BRAF: variants seen among roughly 807,000 people sequenced by gnomAD.
The protein encoded by BRAF is serine/threonine-protein kinase B-raf.
In BRAF, 16 loss-of-function variants were observed where a neutral mutation model predicts 104.6. The observed-to-expected ratio is 0.15, with a 90% CI of 0.10 to 0.23. The LOEUF (loss-of-function observed/expected upper bound fraction) is 0.23. Ranked by LOEUF, BRAF falls within the 10% of genes least tolerant of loss-of-function variation. BRAF has a pLI of 1.00. For missense variants in BRAF, 541 were observed against 937.3 expected, an observed-to-expected ratio of 0.58 and a Z score of 5.52; for synonymous variants, 310 against 341.6, an observed-to-expected ratio of 0.91 and a Z score of 1.02.
Position 140,924,774 on chromosome 7 carries a change from G to GGGAGGCGGAGGC in BRAF, c.-83_-72dup, listed in dbSNP as rs727502907. On this transcript the variant is annotated 5_prime_UTR_variant, in exon 1 of 20. Transcript: ENST00000644969. The surrounding 1 kb of genome is among the most constrained non-coding windows in gnomAD (Gnocchi z 4.2). ...AGGGGGAAGGGAGGCGGAGAGCTGG[G>GGGAGGCGGAGGC]GGAGGCGGAGGCGGAGGCGGAGGCG... The GGGAGGCGGAGGC allele has an allele frequency of 3.2e-5, 19 of 586,748 alleles. No individual in the cohort carries two copies. Among genetic ancestry groups the GGGAGGCGGAGGC allele is most frequent in the African/African-American group, 4.0e-5 (2 of 50,538 alleles). 36.3% of individuals were successfully genotyped at this position (586,748 alleles called of 1,614,324 possible).
rs1478544824 is a variant in BRAF at position 140,765,401 on chromosome 7, T to C, written c.1815-11168A>G. Among the ~76,000 whole-genome samples the C allele has an allele frequency of 2.0e-5, 3 of 152,222 alleles. 1 individual carries two copies. The highest frequency in any genetic ancestry group is 7.2e-5 in the African/African-American group (3 of 41,540). On this transcript the variant is annotated intron_variant, in intron 14 of 19. Coordinates refer to ENST00000644969, the MANE Select transcript of BRAF (RefSeq NM_001374258.1). ...GACATAGGCATGGGCAAGGACTTCA[T>C]GTCTAAAACACCAAAAGCAATGGCA...
chr7:140,892,911 T>C (rs1586568899), intron 1 of BRAF, among the ~76,000 whole-genome samples: 1 of 152,218 alleles, frequency 6.6e-6, no homozygotes, highest in East Asian at 1.9e-4. Context: ...CCAGTTCCTT[T>C]GTGAGAATAA....
chr7:140,843,313 A>G (rs987498875), intron 2 of BRAF, among the ~76,000 whole-genome samples: 1 of 152,316 alleles, frequency 6.6e-6, no homozygotes, highest in African/African-American at 2.4e-5. Context: ...TATGAGGGAA[A>G]GATCTTAAAA....
In BRAF at chr7:140,815,190, T is replaced by C. The variant is rs955823183; in HGVS notation, c.505-6195A>G. Reference sequence around the variant, plus strand: ...TCTCGCTCTGTCGCCCAGGCTGCAGTGCAGTGGCGTGATCTCAGCTCACTG... The same window carrying C: ...TCTCGCTCTGTCGCCCAGGCTGCAGCGCAGTGGCGTGATCTCAGCTCACTG... On this transcript the variant is annotated intron_variant, in intron 3 of 19. Transcript: ENST00000644969. 8.6e-5 allele frequency among the ~76,000 whole-genome samples: 13 copies of C among 151,614 alleles called. No homozygotes were observed. The East Asian group carries it at 2.3e-3, about 27-fold the overall frequency.
Position 140,897,791 on chromosome 7 carries a change from C to T in BRAF, c.138+26775G>A, listed in dbSNP as rs148892626. ...CTGGGATGACAGGTGTGAGCCACCG[C>T]GCCCAGCCAGGAAAGATTTCTTAAA... On this transcript the variant is annotated intron_variant, in intron 1 of 19. Coordinates refer to ENST00000644969, the MANE Select transcript of BRAF (RefSeq NM_001374258.1). 7.5e-3 allele frequency among the ~76,000 whole-genome samples: 1,143 copies of T among 151,756 alleles called. 11 individuals are homozygous for T. The highest frequency in any genetic ancestry group is 0.025 in the African/African-American group (1,037 of 41,402).
chr7:140,845,671 T>A (rs1421035301), intron 2 of BRAF, among the ~76,000 whole-genome samples: 1 of 152,074 alleles, frequency 6.6e-6, no homozygotes, highest in East Asian at 1.9e-4. Context: ...TATGTTTTTT[T>A]TGTTTTGCCT....
intron 18 of BRAF, among the ~76,000 whole-genome samples, chr7:140,739,528 G>C (rs1004098195): frequency 8.2e-5 from 12 of 146,072 alleles, no homozygotes; most frequent in Admixed American, 2.1e-4. Flanking sequence ...GTGGGGGGGG[G>C]GGTCTTCGAT....
chr7:140,842,350 GAA>G (rs1448079871), intron 2 of BRAF, among the ~76,000 whole-genome samples: 1 of 152,180 alleles, frequency 6.6e-6, no homozygotes, highest in African/African-American at 2.4e-5. Context: ...AGGGTAGGCT[GAA>G]GATTAAATGA....
At chr7:140,908,576 C>A (rs1816595880) in intron 1 of BRAF, among the ~76,000 whole-genome samples, 1 of 152,100 alleles carries the variant, frequency 6.6e-6, no homozygotes, top group South Asian at 2.1e-4. Context: ...AGCAAACCCT[C>A]AAGGCAAATC....
intron 2 of BRAF, among the ~76,000 whole-genome samples, chr7:140,843,263 G>T (rs990271818): frequency 4.6e-5 from 7 of 152,164 alleles, no homozygotes; most frequent in Non-Finnish European, 1.0e-4. Flanking sequence ...TAGTATACAA[G>T]AGAACTTCTC....
At chr7:140,878,889 T>C (rs1209682057) in intron 1 of BRAF, among the ~76,000 whole-genome samples, 1 of 152,074 alleles carries the variant, frequency 6.6e-6, no homozygotes, top group Non-Finnish European at 1.5e-5. Flanking sequence ...TTTTTTTTCC[T>C]TTGAGACGGA....
intron 1 of BRAF, among the ~76,000 whole-genome samples, chr7:140,909,424 T>A (rs1438310441): frequency 6.6e-6 from 1 of 151,988 alleles, no homozygotes; most frequent in Non-Finnish European, 1.5e-5. Context: ...GTCACAAAAA[T>A]AAAAATAAAA....
rs1247983673 is a variant in BRAF, at chr7:140,723,344, TG to T, written c.*3149del. 3 of 1,055,432 alleles carry T rather than the reference TG, an allele frequency of 2.8e-6. No individual in the cohort carries two copies. Among genetic ancestry groups the T allele is most frequent in the Non-Finnish European group, 3.4e-6 (3 of 873,284 alleles). The allele number at this position is 1,055,432 out of a possible 1,614,324, so 65.4% of individuals were successfully genotyped here. A position where few individuals can be genotyped will look rare whatever the true frequency, so the allele number is the denominator to read the frequency against. On this transcript the variant is annotated 3_prime_UTR_variant, in exon 20 of 20. Transcript: ENST00000644969. ...AGTCTTGAATTATTTCTTTATATACTGCTCTTTCTTCTCCAACACCAACATA... is the reference window on the plus strand; with the variant it reads ...AGTCTTGAATTATTTCTTTATATACTCTCTTTCTTCTCCAACACCAACATA...
Position 140,723,363 on chromosome 7 carries a change from C to G in BRAF, c.*3131G>C, listed in dbSNP as rs753038256. ...ATATACTGCTCTTTCTTCTCCAACA[C>G]CAACATAAATATAGCATATATCATT... is the stretch of plus-strand genomic sequence containing the variant. On this transcript the variant is annotated 3_prime_UTR_variant, in exon 20 of 20. Transcript: ENST00000644969. The G allele has an allele frequency of 3.4e-5, 36 of 1,055,364 alleles. No individual in the cohort carries two copies. The highest frequency in any genetic ancestry group is 4.0e-5 in the Non-Finnish European group (35 of 873,322). 65.4% of individuals were successfully genotyped at this position (1,055,364 alleles called of 1,614,324 possible).
chr7:140,823,319 C>A (rs1805674621), intron 3 of BRAF, among the ~76,000 whole-genome samples: 1 of 152,100 alleles, frequency 6.6e-6, no homozygotes, highest in African/African-American at 2.4e-5. Context: ...AACAACTCCC[C>A]AGCACCCCTT....
intron 14 of BRAF, among the ~76,000 whole-genome samples, chr7:140,762,609 T>G (rs1020436295): frequency 2.5e-5 from 3 of 117,930 alleles, no homozygotes; most frequent in Non-Finnish European, 3.6e-5. Context: ...AGCTGTTTTT[T>G]TTTTTTTTTT....
intron 1 of BRAF, among the ~76,000 whole-genome samples, chr7:140,875,533 G>A (rs576674556): frequency 3.2e-4 from 48 of 152,234 alleles, no homozygotes; most frequent in African/African-American, 1.1e-3. Context: ...CCGCGAACAC[G>A]CCTGGCTAAG....
Position 140,724,751 on chromosome 7 carries a change from T to A in BRAF, c.*1743A>T, listed in dbSNP as rs1795508258. 7.7e-6 allele frequency: 8 copies of A among 1,034,010 alleles called. No homozygotes were observed. In the South Asian group the frequency reaches 3.2e-4, roughly 42 times the overall value. The allele number at this position is 1,034,010 out of a possible 1,614,324, so 64.1% of individuals were successfully genotyped here. Reference sequence around the variant, plus strand: ...TTCCTTGATTTATTCTGGGTCTTGTTTAATTTCTTTCAAGTCCTTGGCTAT... The same window carrying A: ...TTCCTTGATTTATTCTGGGTCTTGTATAATTTCTTTCAAGTCCTTGGCTAT... On this transcript the variant is annotated 3_prime_UTR_variant, in exon 20 of 20. Transcript: ENST00000644969.
intron 10 of BRAF, chr7:140,783,604 C>T: frequency 4.3e-6 from 1 of 231,478 alleles, no homozygotes. Context: ...AGGAAATCCC[C>T]AGATGGAAAC....
Sources: allele counts gnomAD v4.1 joint callset (sites outside exome capture counted in the v4.1 genomes callset), GRCh38; gene constraint gnomAD v4.1.1; non-coding constraint Gnocchi (gnomAD v3.1); transcripts MANE v1.5; gene names NCBI Gene and HGNC (gene_info 2026-07-23, HGNC 2026-07-21).